NALF1: variants seen among roughly 807,000 people sequenced by gnomAD.
NALF1 encodes family with sequence similarity 155 member A.
Under a neutral mutation model 48.4 loss-of-function variants are expected in NALF1, and 3 were observed. That is an observed-to-expected ratio of 0.06 (90% CI 0.03 to 0.16). The LOEUF (loss-of-function observed/expected upper bound fraction) is 0.16, where lower values mean the gene tolerates loss of function less well. Among genes scored for constraint, NALF1 ranks in the 10% least tolerant of loss-of-function variants. NALF1 has a pLI of 1.00. For missense variants in NALF1, 526 were observed against 571.5 expected (o/e 0.92, Z 0.81); for synonymous variants, 262 against 245.7 (o/e 1.07, Z -0.62).
intron 1 of NALF1, among the ~76,000 whole-genome samples, chr13:107,683,254 A>G (rs961689152): frequency 6.6e-6 from 1 of 152,182 alleles, no homozygotes; most frequent in African/African-American, 2.4e-5. Flanking sequence ...TCTCAAATAT[A>G]AATACATAAA....
intron 1 of NALF1, among the ~76,000 whole-genome samples, chr13:107,383,173 T>G (rs942674267): frequency 6.6e-6 from 1 of 152,230 alleles, no homozygotes; most frequent in Admixed American, 6.5e-5. Context: ...TTCATAAAAG[T>G]GAATTTACCT....
At chr13:107,577,807 T>G (rs181046107) in intron 1 of NALF1, among the ~76,000 whole-genome samples, 1 of 152,248 alleles carries the variant, frequency 6.6e-6, no homozygotes, top group East Asian at 1.9e-4. Context: ...TCTCTTCAAG[T>G]TCCATTTTCA....
At chr13:107,357,259 T>A (rs141775100) in intron 1 of NALF1, among the ~76,000 whole-genome samples, 90 of 152,212 alleles carry the variant, frequency 5.9e-4, no homozygotes, top group African/African-American at 2.0e-3. Flanking sequence ...CCTTCTCATA[T>A]GGCAGCAGGA....
intron 1 of NALF1, among the ~76,000 whole-genome samples, chr13:107,642,387 C>A (rs1880184056): frequency 6.6e-6 from 1 of 152,176 alleles, no homozygotes; most frequent in African/African-American, 2.4e-5. Context: ...CAATGCCATG[C>A]ATCTGGCACT....
chr13:107,864,737 C>T (rs920276298), intron 1 of NALF1, among the ~76,000 whole-genome samples: 4 of 152,196 alleles, frequency 2.6e-5, no homozygotes, highest in African/African-American at 9.6e-5. Context: ...TTCAGCACCA[C>T]GGACAGAGAC....
intron 1 of NALF1, among the ~76,000 whole-genome samples, chr13:107,451,228 C>T (rs1401948643): frequency 6.6e-6 from 1 of 152,070 alleles, no homozygotes; most frequent in African/African-American, 2.4e-5. Context: ...GAGGCAGATG[C>T]CAGATAGAAA....
intron 2 of NALF1, among the ~76,000 whole-genome samples, chr13:107,204,011 C>T (rs958076037): frequency 3.7e-5 from 5 of 133,944 alleles, no homozygotes; most frequent in East Asian, 2.2e-4. Flanking sequence ...CAGAGAGGGG[C>T]GCCCACAAGC....
chr13:107,590,698 G>A lies in NALF1; in HGVS notation c.915+274984C>T, dbSNP rs555113171. On this transcript the variant is annotated intron_variant, in intron 1 of 2. Transcript: ENST00000375915. ...ATCTATCATGTGTGAATTTCTCTAA[G>A]CTGACTTCTGTTGGAGTAAGTGGGT... 3.8e-4 allele frequency among the ~76,000 whole-genome samples: 57 copies of A among 151,996 alleles called. 1 individual carries two copies. Among genetic ancestry groups the A allele is most frequent in the African/African-American group, 1.3e-3 (53 of 41,494 alleles).
intron 1 of NALF1, among the ~76,000 whole-genome samples, chr13:107,627,425 T>C (rs994050207): frequency 1.3e-5 from 2 of 152,026 alleles, no homozygotes; most frequent in East Asian, 1.9e-4. Flanking sequence ...CATGATTCAA[T>C]AGGAAGTCAT....
intron 1 of NALF1, among the ~76,000 whole-genome samples, chr13:107,508,307 A>G (rs1311412218): frequency 1.3e-5 from 2 of 151,656 alleles, no homozygotes; most frequent in African/African-American, 4.8e-5. Context: ...GAACTTATTA[A>G]TATTTGATAT....
chr13:107,822,759 G>A (rs1879395665), intron 1 of NALF1, among the ~76,000 whole-genome samples: 3 of 152,142 alleles, frequency 2.0e-5, no homozygotes, highest in Non-Finnish European at 4.4e-5. Context: ...GGGATAAGTT[G>A]AATTAGCATT....
chr13:107,180,848 C>T (rs1163035087), intron 2 of NALF1, among the ~76,000 whole-genome samples: 1 of 151,582 alleles, frequency 6.6e-6, no homozygotes, highest in African/African-American at 2.4e-5. Flanking sequence ...GTTTATATGG[C>T]GTGAAATTTA....
At chr13:107,410,306 T>C (rs1477977265) in intron 1 of NALF1, among the ~76,000 whole-genome samples, 1 of 152,130 alleles carries the variant, frequency 6.6e-6, no homozygotes, top group East Asian at 1.9e-4. Flanking sequence ...CTGCAGGTTT[T>C]TCCTTGTTCC....
At chr13:107,191,099 C>T (rs867815470) in intron 2 of NALF1, among the ~76,000 whole-genome samples, 1 of 152,138 alleles carries the variant, frequency 6.6e-6, no homozygotes, top group Non-Finnish European at 1.5e-5. Flanking sequence ...GGTAGAGTGG[C>T]ATCATTATGA....
intron 2 of NALF1, among the ~76,000 whole-genome samples, chr13:107,199,909 G>T (rs1879475000): frequency 6.6e-6 from 1 of 152,144 alleles, no homozygotes; most frequent in African/African-American, 2.4e-5. Context: ...GCAGAGCATG[G>T]CTGACCTTCG....
At chr13:107,315,921 A>C (rs912110208) in intron 1 of NALF1, among the ~76,000 whole-genome samples, 2 of 151,220 alleles carry the variant, frequency 1.3e-5, no homozygotes, top group Non-Finnish European at 2.9e-5. Context: ...ATTATACTTT[A>C]AGTTCTAGGG....
intron 1 of NALF1, among the ~76,000 whole-genome samples, chr13:107,689,219 C>T (rs1297107247): frequency 6.6e-6 from 1 of 152,228 alleles, no homozygotes; most frequent in Non-Finnish European, 1.5e-5. Flanking sequence ...TACTTTTCAC[C>T]TTCTCTGACT....
At chr13:107,636,130 C>G (rs1017005835) in intron 1 of NALF1, among the ~76,000 whole-genome samples, 4 of 152,022 alleles carry the variant, frequency 2.6e-5, no homozygotes, top group African/African-American at 9.7e-5. Context: ...CTCATCAGTG[C>G]ACTTGGAATC....
intron 1 of NALF1, among the ~76,000 whole-genome samples, chr13:107,667,074 G>A (rs1539130): frequency 0.57 from 86,350 of 151,876 alleles, 25,443 homozygotes; most frequent in African/African-American, 0.73. Context: ...AATTATACTC[G>A]TGCATTTTTT....
Sources: gnomAD v4.1 joint callset for allele counts (sites outside exome capture counted in the v4.1 genomes callset) on GRCh38, gnomAD v4.1.1 for gene constraint, MANE v1.5 for transcripts, NCBI Gene and HGNC (gene_info 2026-07-23, HGNC 2026-07-21) for gene names.